RIMS1: variants seen among roughly 807,000 people sequenced by gnomAD.
RIMS1 encodes regulating synaptic membrane exocytosis protein 1.
In RIMS1, 83 loss-of-function variants were observed where a neutral mutation model predicts 214.1. That is an observed-to-expected ratio of 0.39 (90% CI 0.32 to 0.47). RIMS1 has a LOEUF of 0.47. RIMS1 is among the 20% of genes least tolerant of loss of function. RIMS1 has a pLI of 0.99. For synonymous variants in RIMS1, 793 were observed against 786.8 expected (o/e 1.01, Z -0.13); for missense variants, 2,050 against 2,161.8 (o/e 0.95, Z 1.03).
intron 23 of RIMS1, among the ~76,000 whole-genome samples, chr6:72,283,336 T>C (rs147918416): frequency 1.3e-5 from 2 of 152,206 alleles, no homozygotes; most frequent in African/African-American, 4.8e-5. Flanking sequence ...ATAGAAAAAT[T>C]ATTTCTGTGG....
chr6:72,326,547 T>A (rs1204385015), intron 28 of RIMS1, among the ~76,000 whole-genome samples: 2 of 151,880 alleles, frequency 1.3e-5, no homozygotes, highest in Non-Finnish European at 2.9e-5. Flanking sequence ...ATAATTTAAT[T>A]GATTTTATCC....
At chr6:72,196,603 T>TTTTTTTTTTTTTTTTG (rs780611745) in intron 6 of RIMS1, among the ~76,000 whole-genome samples, 1 of 132,208 alleles carries the variant, frequency 7.6e-6, no homozygotes, top group African/African-American at 2.8e-5. Context: ...TTTTTTTTTT[T>TTTTTTTTTTTTTTTTG]ACCTATACAG....
At chr6:72,280,301 A>T (rs1206245753) in intron 23 of RIMS1, among the ~76,000 whole-genome samples, 2 of 152,002 alleles carry the variant, frequency 1.3e-5, no homozygotes, top group African/African-American at 4.8e-5. Context: ...TTTTAGTATG[A>T]TCTATTTTGT....
intron 28 of RIMS1, among the ~76,000 whole-genome samples, chr6:72,315,218 G>A (rs2095709308): frequency 1.3e-5 from 2 of 152,138 alleles, no homozygotes; most frequent in African/African-American, 4.8e-5. Context: ...ATCATGACAA[G>A]AAGCAAAAGA....
At chr6:72,144,530 C>A (rs564743140) in intron 4 of RIMS1, among the ~76,000 whole-genome samples, 4 of 152,036 alleles carry the variant, frequency 2.6e-5, no homozygotes, top group Non-Finnish European at 4.4e-5. Context: ...AGGCTGCTGA[C>A]ATGAACAGAT....
At chr6:72,337,289 A>G (rs1431870514) in intron 29 of RIMS1, among the ~76,000 whole-genome samples, 1 of 151,830 alleles carries the variant, frequency 6.6e-6, no homozygotes, top group Non-Finnish European at 1.5e-5. Context: ...ACTGTATAAT[A>G]TTCCATATAA....
At chr6:71,925,883 AT>A (rs568569963) in intron 1 of RIMS1, among the ~76,000 whole-genome samples, 2 of 152,126 alleles carry the variant, frequency 1.3e-5, no homozygotes, top group East Asian at 3.9e-4. Context: ...ATCCCTGTGG[AT>A]TTTTTTACAA....
intron 2 of RIMS1, among the ~76,000 whole-genome samples, chr6:72,032,039 T>C (rs1228295952): frequency 2.6e-5 from 4 of 152,128 alleles, no homozygotes; most frequent in Non-Finnish European, 4.4e-5. Context: ...AGGGTCATAC[T>C]GGAGACTAAT....
intron 19 of RIMS1, among the ~76,000 whole-genome samples, chr6:72,264,590 A>G (rs986192604): frequency 6.6e-6 from 1 of 152,132 alleles, no homozygotes; most frequent in African/African-American, 2.4e-5. Context: ...GTCATATTGT[A>G]ACTCTAAAAT....
chr6:72,292,970 A>G (rs2093620346), intron 26 of RIMS1, among the ~76,000 whole-genome samples: 1 of 152,004 alleles, frequency 6.6e-6, no homozygotes, highest in African/African-American at 2.4e-5. Context: ...TTCATTTTAT[A>G]TTGAGGGTAC....
At chr6:72,304,156 T>C (rs1329754044) in intron 26 of RIMS1, among the ~76,000 whole-genome samples, 1 of 151,624 alleles carries the variant, frequency 6.6e-6, no homozygotes, top group Non-Finnish European at 1.5e-5. Context: ...TATAAAGAAA[T>C]AGCAACTGGC....
At position 71,973,197 on chromosome 6, in the gene RIMS1, T is replaced by C. The variant is rs569939254; in HGVS notation, c.245+4134T>C. ...TGCTGGGATTACAGGTGTGAGCCAC[T>C]GCGCCCGGACAGTAATATGGATTTT... is the stretch of plus-strand genomic sequence containing the variant. On this transcript the variant is annotated intron_variant, in intron 2 of 33. Transcript: ENST00000521978. 8.5e-5 allele frequency among the ~76,000 whole-genome samples: 13 copies of C among 152,302 alleles called. No homozygotes were observed. The East Asian group carries it at 1.9e-3, about 23-fold the overall frequency.
Position 72,035,675 on chromosome 6 carries a change from G to T in RIMS1, c.246-61274G>T, listed in dbSNP as rs11755178. Among the ~76,000 whole-genome samples, 839 of 152,252 alleles carry T rather than the reference G, an allele frequency of 5.5e-3. 8 individuals are homozygous for T. The highest frequency in any genetic ancestry group is 8.0e-3 in the Non-Finnish European group (541 of 68,002). ...GAAAACCAGTCCTGTTAAGCCTCAG[G>T]TTGCCTTAGTGACTTCCCAAGAGGC... On this transcript the variant is annotated intron_variant, in intron 2 of 33. Transcript: ENST00000521978.
chr6:72,156,233 A>T (rs2044425639), intron 4 of RIMS1, among the ~76,000 whole-genome samples: 1 of 141,186 alleles, frequency 7.1e-6, no homozygotes, highest in East Asian at 2.0e-4. Flanking sequence ...GTCCACTCAC[A>T]GATGAATGAA....
rs376479517 is a variant in RIMS1 at position 72,242,374 on chromosome 6, A to G, written c.2018A>G (p.Tyr673Cys). 1 of 1,562,800 alleles carries G rather than the reference A, an allele frequency of 6.4e-7. No homozygotes were observed. The highest frequency in any genetic ancestry group is 1.4e-5 in the African/African-American group (1 of 73,712). ...PLPGATNEEV[Y>C]NIILESKSEP... ...CCGGGAGCTACAAATGAAGAAGTTT[A>G]CAACATTATTTTAGAATCAAAATCA... is the stretch of plus-strand genomic sequence containing the variant. The change falls in exon 10 of 34, where the codon TAC becomes TGC. Residue 673 changes from tyrosine to cysteine, a missense_variant. Physicochemically the swap from Tyr to Cys is radical, Grantham distance 194. Coordinates refer to ENST00000521978, the MANE Select transcript of RIMS1 (RefSeq NM_014989.7).
rs898557952 is a variant in RIMS1, at chr6:71,957,552, C to T, written c.165-11431C>T. Reference sequence around the variant, plus strand: ...AAATTTCAGTCTTAGAGTTTGAAACCCTCTGATGTTTTTCTATGTACATGA... The same window carrying T: ...AAATTTCAGTCTTAGAGTTTGAAACTCTCTGATGTTTTTCTATGTACATGA... On this transcript the variant is annotated intron_variant, in intron 1 of 33. Coordinates refer to ENST00000521978, the MANE Select transcript of RIMS1 (RefSeq NM_014989.7). Among the ~76,000 whole-genome samples, 7 of 143,062 alleles carry T rather than the reference C, an allele frequency of 4.9e-5. 1 individual carries two copies. The highest frequency in any genetic ancestry group is 1.5e-4 in the African/African-American group (5 of 33,136). 93.9% of individuals were successfully genotyped at this position (143,062 alleles called of 152,430 possible). A position where few individuals can be genotyped will look rare whatever the true frequency, so the allele number is the denominator to read the frequency against.
chr6:72,371,082 A>G (rs1286788997), intron 29 of RIMS1, among the ~76,000 whole-genome samples: 1 of 152,196 alleles, frequency 6.6e-6, no homozygotes, highest in Non-Finnish European at 1.5e-5. Flanking sequence ...AAGCATTTAA[A>G]GCATTTATAA....
At chr6:72,126,261 A>G (rs1193912125) in intron 4 of RIMS1, among the ~76,000 whole-genome samples, 3 of 152,198 alleles carry the variant, frequency 2.0e-5, no homozygotes, top group Admixed American at 6.5e-5. Flanking sequence ...TACCTTAAAC[A>G]AAAATCAGCT....
At chr6:72,172,569 TGTTTC>T (rs2047176517) in intron 4 of RIMS1, among the ~76,000 whole-genome samples, 2 of 152,188 alleles carry the variant, frequency 1.3e-5, no homozygotes, top group African/African-American at 2.4e-5. Flanking sequence ...ATCTCTATTT[TGTTTC>T]TTCTGTGGTT....
Sources: allele counts gnomAD v4.1 joint callset (sites outside exome capture counted in the v4.1 genomes callset), GRCh38; gene constraint gnomAD v4.1.1; transcripts MANE v1.5; gene names NCBI Gene and HGNC (gene_info 2026-07-23, HGNC 2026-07-21).